IFT81: variants seen among roughly 807,000 people sequenced by gnomAD.
IFT81 encodes intraflagellar transport 81.
IFT81 carries 72 observed loss-of-function variants against 102.6 expected under a neutral mutation model. That is an observed-to-expected ratio of 0.70 (90% CI 0.58 to 0.85). The LOEUF is 0.85. Among genes scored for constraint, IFT81 ranks in the 40% least tolerant of loss-of-function variants. The probability of loss-of-function intolerance (pLI) is 0.00; values close to 1 mark genes in which losing one functional copy is unlikely to be tolerated. For missense variants in IFT81, 723 were observed against 787.3 expected (o/e 0.92, Z 0.98); for synonymous variants, 237 against 242.7 (o/e 0.98, Z 0.22).
chr12:110,125,054 C>T (rs1893748272), intron 1 of IFT81, among the ~76,000 whole-genome samples, 193 bp downstream of exon 1: 1 of 152,082 alleles, frequency 6.6e-6, no homozygotes, highest in South Asian at 2.1e-4. Flanking sequence ...ATTTTGCCTT[C>T]CTGGAAACGT....
chr12:110,158,621 G>A (rs1015363094), intron 10 of IFT81, among the ~76,000 whole-genome samples: 2 of 150,662 alleles, frequency 1.3e-5, no homozygotes, highest in East Asian at 2.0e-4. Flanking sequence ...ATGGAGTCTC[G>A]CTCTTTCGCC....
intron 18 of IFT81, 89 bp from the exon 19 acceptor site, chr12:110,217,955 A>T: frequency 2.3e-6 from 2 of 878,180 alleles, no homozygotes; most frequent in Non-Finnish European, 3.5e-6. Context: ...TATCTACTGT[A>T]GAAAACATAC....
chr12:110,180,424 C>T lies in IFT81; in HGVS notation c.1191C>T (p.Phe397=). Residue 397 remains phenylalanine (F), a splice_region_variant and synonymous_variant, in exon 12 of 19, where the codon TTC becomes TTT. Coordinates refer to ENST00000242591, the MANE Select transcript of IFT81 (RefSeq NM_014055.4). ...TACATATTGTGTTTTTTTTACAGTT[C>T]AAACGATATGTCAATAAACTTCGAA... ...DGTEVLKGDE[F]KRYVNKLRSK... 6.3e-7 allele frequency: 1 copy of T among 1,588,952 alleles called. No homozygotes were observed. The highest frequency in any genetic ancestry group is 8.6e-7 in the Non-Finnish European group (1 of 1,162,100).
At chr12:110,203,093 C>T (rs1898380037) in intron 14 of IFT81, among the ~76,000 whole-genome samples, 1 of 151,966 alleles carries the variant, frequency 6.6e-6, no homozygotes, top group African/African-American at 2.4e-5. Context: ...TAGTGAAACC[C>T]CATCTCTACT....
At chr12:110,128,204 T>A (rs1893958985) in intron 3 of IFT81, 55 bp downstream of exon 3, 8 of 1,043,356 alleles carry the variant, frequency 7.7e-6, no homozygotes, top group Non-Finnish European at 1.2e-5. Context: ...TATCCAAACC[T>A]TCATATACTG....
intron 12 of IFT81, among the ~76,000 whole-genome samples, chr12:110,186,876 T>G (rs1330865509): frequency 1.3e-5 from 2 of 152,206 alleles, no homozygotes; most frequent in Non-Finnish European, 1.5e-5. Context: ...CTCTTTTACT[T>G]TAACTCCAAC....
chr12:110,194,160 C>T (rs1171283004), intron 14 of IFT81, among the ~76,000 whole-genome samples: 2 of 152,156 alleles, frequency 1.3e-5, no homozygotes, highest in Admixed American at 6.5e-5. Context: ...TTCACCCCCA[C>T]GATCCAATCA....
intron 5 of IFT81, among the ~76,000 whole-genome samples, chr12:110,133,917 T>TA (rs1242436234): frequency 1.3e-5 from 2 of 152,250 alleles, no homozygotes; most frequent in Admixed American, 1.3e-4. Flanking sequence ...TGAGAATCTT[T>TA]ACAGAGGATG....
chr12:110,163,486 C>T (rs1222269477), intron 11 of IFT81, among the ~76,000 whole-genome samples: 1 of 152,188 alleles, frequency 6.6e-6, no homozygotes, highest in East Asian at 1.9e-4. Flanking sequence ...GGTGATCTGC[C>T]TGCCTTGGCC....
intron 11 of IFT81, among the ~76,000 whole-genome samples, chr12:110,173,029 G>A (rs1216080727): frequency 6.7e-6 from 1 of 149,318 alleles, no homozygotes; most frequent in Non-Finnish European, 1.5e-5. Context: ...CCCCGTCCAG[G>A]AGGTGAGGGG....
At chr12:110,132,833 G>T (rs544085317) in intron 5 of IFT81, among the ~76,000 whole-genome samples, 197 bp downstream of exon 5, 86 of 152,210 alleles carry the variant, frequency 5.7e-4, no homozygotes, top group African/African-American at 1.9e-3. Flanking sequence ...ACGATGAGTA[G>T]TTACTTACAG....
At chr12:110,179,907 A>G (rs1897247546) in intron 11 of IFT81, among the ~76,000 whole-genome samples, 1 of 148,910 alleles carries the variant, frequency 6.7e-6, no homozygotes, top group African/African-American at 2.4e-5. Context: ...ATATTTAAAC[A>G]TTGTGGGTGA....
chr12:110,141,732 A>T (rs1285807044), intron 8 of IFT81, among the ~76,000 whole-genome samples: 2 of 152,012 alleles, frequency 1.3e-5, no homozygotes, highest in Non-Finnish European at 2.9e-5. Context: ...AAATACAAAA[A>T]ATTAGCCGAG....
intron 10 of IFT81, among the ~76,000 whole-genome samples, chr12:110,147,574 A>C (rs1040191994): frequency 1.6e-4 from 24 of 152,210 alleles, no homozygotes; most frequent in African/African-American, 5.8e-4. Context: ...GAAAAGAACC[A>C]AGGCAGGAGG....
intron 10 of IFT81, among the ~76,000 whole-genome samples, chr12:110,147,607 A>G (rs1334114287): frequency 2.6e-5 from 4 of 152,246 alleles, no homozygotes; most frequent in Non-Finnish European, 1.5e-5. Flanking sequence ...AGAGCACTCT[A>G]CAACCTCAGA....
chr12:110,145,803 GTT>G (rs1895192570), intron 9 of IFT81, among the ~76,000 whole-genome samples: 1 of 51,518 alleles, frequency 1.9e-5, no homozygotes, highest in African/African-American at 1.6e-4. Context: ...CTAAAATTTT[GTT>G]TTGTTTTGTT....
chr12:110,161,110 C>T (rs374865829), intron 10 of IFT81, among the ~76,000 whole-genome samples: 14 of 148,214 alleles, frequency 9.4e-5, no homozygotes, highest in South Asian at 8.5e-4. Flanking sequence ...TAGAGTCTGG[C>T]GTTCTATCAT....
intron 11 of IFT81, among the ~76,000 whole-genome samples, chr12:110,167,184 C>A (rs983654991): frequency 6.6e-6 from 1 of 151,984 alleles, no homozygotes; most frequent in Non-Finnish European, 1.5e-5. Flanking sequence ...ATTGGTATTT[C>A]ATTGGTTTTC....
At position 110,186,169 on chromosome 12, in the gene IFT81, G is replaced by A. The variant is rs533984139; in HGVS notation, c.1339-4751G>A. Among the ~76,000 whole-genome samples the A allele has an allele frequency of 2.0e-4, 30 of 151,988 alleles. No homozygotes were observed. In the Middle Eastern group the frequency reaches 0.017, roughly 86 times the overall value. The stretch of plus-strand genomic sequence containing the variant: ...TTTTGGTTGGCAGCTATTTTCTTTC[G>A]GCACTTTAAAGATTTAATTCCATTG... On this transcript the variant is annotated intron_variant, in intron 12 of 18. Coordinates refer to ENST00000242591, the MANE Select transcript of IFT81 (RefSeq NM_014055.4).
Sources: allele counts gnomAD v4.1 joint callset (sites outside exome capture counted in the v4.1 genomes callset), GRCh38; gene constraint gnomAD v4.1.1; transcripts MANE v1.5; gene names NCBI Gene and HGNC (gene_info 2026-07-23, HGNC 2026-07-21).